The following CMC1 variants were observed in gnomAD, a reference collection of about 807,000 sequenced individuals.
CMC1 encodes the protein C-X9-C motif containing 1.
CMC1 carries 14 observed loss-of-function variants against 14.1 expected under a neutral mutation model. The observed-to-expected ratio is 0.99, with a 90% confidence interval of 0.66 to 1.55. The LOEUF is 1.55. Among genes scored for constraint, CMC1 ranks in the 40% most tolerant of loss-of-function variants. CMC1 has a pLI of 0.00. For synonymous variants in CMC1, 50 were observed against 38.4 expected (o/e 1.30, Z -1.12); for missense variants, 127 against 123.8 (o/e 1.03, Z -0.12).
At chr3:28,241,866 C>T (rs1698536270) in intron 1 of CMC1, 54 bp downstream of exon 1, 3 of 1,234,116 alleles carry the variant, frequency 2.4e-6, no homozygotes, top group East Asian at 3.2e-5. Flanking sequence ...GGTCTCACGC[C>T]GCGGGCCATG....
rs1452395846 is a variant in CMC1, at chr3:28,319,522, G to T, written c.214G>T (p.Ala72Ser). 1 of 1,600,732 alleles carries T rather than the reference G, an allele frequency of 6.2e-7. No homozygotes were observed. ...TCCTTCTCATAGCTATAATGATCCA[G>T]CCTTTTATGAAGAATGCAAAATGGA... ...ECLTAYYNDP[A>S]FYEECKMEYL... The change falls in exon 4 of 4, where the codon GCC becomes TCC. Residue 72 changes from alanine to serine, a missense_variant. Physicochemically the swap from Ala to Ser is moderately conservative, Grantham distance 99. Coordinates refer to ENST00000466830, the MANE Select transcript of CMC1 (RefSeq NM_182523.2).
At chr3:28,258,430 T>C (rs1042154633) in intron 1 of CMC1, among the ~76,000 whole-genome samples, 6 of 151,620 alleles carry the variant, frequency 4.0e-5, no homozygotes, top group African/African-American at 1.5e-4. Context: ...ATTAGGCTTA[T>C]GATCCATTGC....
intron 1 of CMC1, among the ~76,000 whole-genome samples, chr3:28,254,928 T>C (rs1699314497): frequency 6.6e-6 from 1 of 152,236 alleles, no homozygotes; most frequent in Non-Finnish European, 1.5e-5. Context: ...TTTGTGGAGA[T>C]AGTCTCAGTT....
chr3:28,292,202 G>T (rs930935373), intron 2 of CMC1, among the ~76,000 whole-genome samples: 5 of 151,896 alleles, frequency 3.3e-5, no homozygotes, highest in African/African-American at 1.2e-4. Flanking sequence ...GAAATTTATA[G>T]TATAATACTA....
Position 28,261,979 on chromosome 3 carries a change from T to C in CMC1, c.20-1312T>C, listed in dbSNP as rs72897831. On this transcript the variant is annotated intron_variant, in intron 1 of 3. Transcript: ENST00000466830. ...GGATCAACTGTAATAAGGAGATTAC[T>C]TCTTTTTCTGTAGGGTTTGAAGGTG... Among the ~76,000 whole-genome samples the C allele has an allele frequency of 5.5e-3, 841 of 152,314 alleles. 5 individuals carry two copies. The highest frequency in any genetic ancestry group is 0.019 in the African/African-American group (797 of 41,576).
intron 2 of CMC1, among the ~76,000 whole-genome samples, chr3:28,264,089 A>G (rs1202820455): frequency 6.6e-6 from 1 of 152,198 alleles, no homozygotes; most frequent in Non-Finnish European, 1.5e-5. Flanking sequence ...TGGCAATATT[A>G]CTTTAGAAAT....
chr3:28,274,206 G>GTTTTTTTTTTTTTT lies in CMC1; in HGVS notation c.109+10831_109+10832insTTTTTTTTTTTTTT, dbSNP rs1265139321. ...GTGTCATTGGTCTTTGTACTAAAGT[G>GTTTTTTTTTTTTTT]TTTTTGTTTTTTTCTTTTTTTTTTT... On this transcript the variant is annotated intron_variant, in intron 2 of 3. Transcript: ENST00000466830. Among the ~76,000 whole-genome samples, 721 of 82,854 alleles carry GTTTTTTTTTTTTTT rather than the reference G, an allele frequency of 8.7e-3. 83 individuals carry two copies. The highest frequency in any genetic ancestry group is 0.041 in the East Asian group (91 of 2,232). The allele number at this position is 82,854 out of a possible 152,430, so 54.4% of individuals were successfully genotyped here.
At chr3:28,261,538 G>T (rs1022739286) in intron 1 of CMC1, among the ~76,000 whole-genome samples, 1 of 152,154 alleles carries the variant, frequency 6.6e-6, no homozygotes, top group Non-Finnish European at 1.5e-5. Flanking sequence ...TTTTGTAGCT[G>T]GTGGGACTCT....
intron 2 of CMC1, among the ~76,000 whole-genome samples, chr3:28,270,447 C>T (rs1218626387): frequency 6.6e-6 from 1 of 152,088 alleles, no homozygotes; most frequent in Non-Finnish European, 1.5e-5. Context: ...TAATAATTGC[C>T]ATTCTGACTG....
At chr3:28,286,426 T>G (rs778145327) in intron 2 of CMC1, among the ~76,000 whole-genome samples, 1 of 152,184 alleles carries the variant, frequency 6.6e-6, no homozygotes, top group Non-Finnish European at 1.5e-5. Flanking sequence ...TAACATGTCA[T>G]TTAGTGAATG....
chr3:28,261,424 G>A (rs1040403067), intron 1 of CMC1, among the ~76,000 whole-genome samples: 1 of 152,202 alleles, frequency 6.6e-6, no homozygotes, highest in East Asian at 1.9e-4. Flanking sequence ...AGATGTTCTG[G>A]TTTACAGTCC....
intron 2 of CMC1, among the ~76,000 whole-genome samples, chr3:28,277,390 G>A (rs1285551139): frequency 6.6e-6 from 1 of 152,074 alleles, no homozygotes; most frequent in Non-Finnish European, 1.5e-5. Flanking sequence ...GAACCTTAGC[G>A]TTATGTGGAA....
At chr3:28,264,006 G>A (rs1217351751) in intron 2 of CMC1, among the ~76,000 whole-genome samples, 1 of 152,108 alleles carries the variant, frequency 6.6e-6, no homozygotes, top group Non-Finnish European at 1.5e-5. Context: ...AGTGAAACAT[G>A]TAAAGAAAGC....
chr3:28,316,567 A>T, intron 3 of CMC1, 144 bp downstream of exon 3: 1 of 407,772 alleles, frequency 2.5e-6, no homozygotes, highest in South Asian at 1.1e-4. Context: ...GTTCCAGTAC[A>T]GTCTTAAAAA....
At chr3:28,270,520 CT>C (rs1397832874) in intron 2 of CMC1, among the ~76,000 whole-genome samples, 1 of 152,066 alleles carries the variant, frequency 6.6e-6, no homozygotes, top group Non-Finnish European at 1.5e-5. Flanking sequence ...TGATGTTGAG[CT>C]TTTTTTCATG....
intron 2 of CMC1, among the ~76,000 whole-genome samples, chr3:28,310,650 T>A (rs2125599495): frequency 6.6e-6 from 1 of 152,360 alleles, no homozygotes; most frequent in South Asian, 2.1e-4. Flanking sequence ...TTTGGTGATT[T>A]CCCATCTGCA....
At chr3:28,314,527 GGACTGCTGA>G (rs1193548404) in intron 2 of CMC1, among the ~76,000 whole-genome samples, 1 of 152,184 alleles carries the variant, frequency 6.6e-6, no homozygotes, top group Non-Finnish European at 1.5e-5. Flanking sequence ...GCAAATGTTG[GGACTGCTGA>G]GACTAGTGAA....
chr3:28,324,147 A>C lies in CMC1; in HGVS notation c.*4518A>C. The C allele has an allele frequency of 6.2e-7, 1 of 1,610,678 alleles. No individual in the cohort carries two copies. The highest frequency in any genetic ancestry group is 8.5e-7 in the Non-Finnish European group (1 of 1,177,612). On this transcript the variant is annotated 3_prime_UTR_variant, in exon 4 of 4. Coordinates refer to ENST00000466830, the MANE Select transcript of CMC1 (RefSeq NM_182523.2). Reference sequence around the variant, plus strand: ...TTTTAGTTTCCCCAAATGCTGTCTCACTTGATTTAGGAGGACTTGGAAATA... The same window carrying C: ...TTTTAGTTTCCCCAAATGCTGTCTCCCTTGATTTAGGAGGACTTGGAAATA...
At position 28,324,285 on chromosome 3, in the gene CMC1, C is replaced by T. The variant is rs777885154; in HGVS notation, c.*4656C>T. On this transcript the variant is annotated 3_prime_UTR_variant, in exon 4 of 4. Transcript: ENST00000466830. ...CTGTCCATGATTGGAGGATTGCTTT[C>T]TCTGATAAAACCTTTACATCTCCTG... 6.2e-7 allele frequency: 1 copy of T among 1,608,722 alleles called. No individual in the cohort carries two copies. The highest frequency in any genetic ancestry group is 8.5e-7 in the Non-Finnish European group (1 of 1,176,470).
Sources: gnomAD v4.1 joint callset for allele counts (sites outside exome capture counted in the v4.1 genomes callset) on GRCh38, gnomAD v4.1.1 for gene constraint, MANE v1.5 for transcripts, NCBI Gene and HGNC (gene_info 2026-07-23, HGNC 2026-07-21) for gene names.